Variants in SYN2 observed in about 807,000 individuals in gnomAD.
SYN2 encodes synapsin-2.
In SYN2, 19 loss-of-function variants were observed where a neutral mutation model predicts 50.9. The ratio of observed to expected loss-of-function variants is 0.37; its 90% CI spans 0.26 to 0.55. The LOEUF (loss-of-function observed/expected upper bound fraction) is 0.55. SYN2 is among the 20% of genes least tolerant of loss of function. The probability of loss-of-function intolerance (pLI) is 0.81; values close to 1 mark genes in which losing one functional copy is unlikely to be tolerated. For synonymous variants in SYN2, 255 were observed against 224.9 expected, an observed-to-expected ratio of 1.13 and a Z score of -1.20; for missense variants, 587 against 576.4, an observed-to-expected ratio of 1.02 and a Z score of -0.19.
In SYN2 at chr3:12,084,926, T is replaced by C. The variant is rs1227042137; in HGVS notation, c.378-55725T>C. Reference sequence around the variant, plus strand: ...AAAGAAAGGATTCAAAGTATACCACTGCAGGAAATCATTAAATCACAACGG... The same window carrying C: ...AAAGAAAGGATTCAAAGTATACCACCGCAGGAAATCATTAAATCACAACGG... On this transcript the variant is annotated intron_variant, in intron 1 of 12. Coordinates refer to ENST00000621198, the MANE Select transcript of SYN2 (RefSeq NM_133625.6). Among the ~76,000 whole-genome samples, 3 of 151,686 alleles carry C rather than the reference T, an allele frequency of 2.0e-5. No individual in the cohort carries two copies. In the East Asian group the frequency reaches 5.8e-4, roughly 29 times the overall value.
intron 1 of SYN2, among the ~76,000 whole-genome samples, chr3:12,033,637 C>G (rs1027171792): frequency 6.6e-6 from 1 of 152,152 alleles, no homozygotes; most frequent in African/African-American, 2.4e-5. Context: ...TTAATCACCC[C>G]AAAAACCATA....
intron 10 of SYN2, among the ~76,000 whole-genome samples, chr3:12,180,102 C>G (rs1017112563): frequency 2.0e-5 from 3 of 152,122 alleles, no homozygotes; most frequent in Non-Finnish European, 4.4e-5. Flanking sequence ...GCACATGCCA[C>G]CATGCCCACC....
rs147847524 is a variant in SYN2, at chr3:12,105,985, G to C, written c.378-34666G>C. ...GTTCCATAGGTCAGTAATCTACACA[G>C]GGATCTTCTTAGAATCTCACAAGGG... On this transcript the variant is annotated intron_variant, in intron 1 of 12. Coordinates refer to ENST00000621198, the MANE Select transcript of SYN2 (RefSeq NM_133625.6). Among the ~76,000 whole-genome samples, 3 of 152,240 alleles carry C rather than the reference G, an allele frequency of 2.0e-5. No homozygotes were observed. In the East Asian group the frequency reaches 5.8e-4, roughly 29 times the overall value.
chr3:12,151,087 A>G, intron 4 of SYN2, 150 bp from the exon 5 acceptor site: 1 of 590,614 alleles, frequency 1.7e-6, no homozygotes, highest in Non-Finnish European at 3.0e-6. Context: ...ATCCTTGGAA[A>G]TAGGAATTGT....
At chr3:12,135,706 T>G (rs966424625) in intron 1 of SYN2, among the ~76,000 whole-genome samples, 3 of 152,108 alleles carry the variant, frequency 2.0e-5, no homozygotes, top group Non-Finnish European at 4.4e-5. Flanking sequence ...GATTGACACA[T>G]GTGAGAAGAA....
intron 1 of SYN2, among the ~76,000 whole-genome samples, chr3:12,044,757 A>G (rs112514054): frequency 0.024 from 3,701 of 152,212 alleles, 76 homozygotes; most frequent in Middle Eastern, 0.041. Context: ...AAAAATACCT[A>G]TAGTACAGGT....
chr3:12,079,731 C>T (rs1161449050), intron 1 of SYN2, among the ~76,000 whole-genome samples: 1 of 152,032 alleles, frequency 6.6e-6, no homozygotes, highest in East Asian at 1.9e-4. Context: ...ATTTTTGCAT[C>T]GATGTTTATC....
At chr3:12,133,062 G>C (rs1696827016) in intron 1 of SYN2, among the ~76,000 whole-genome samples, 1 of 152,102 alleles carries the variant, frequency 6.6e-6, no homozygotes, top group South Asian at 2.1e-4. Flanking sequence ...TTAATCCCTG[G>C]AAGAGCTGAA....
At chr3:12,155,010 T>G (rs956831056) in intron 5 of SYN2, among the ~76,000 whole-genome samples, 1 of 38,708 alleles carries the variant, frequency 2.6e-5, no homozygotes, top group African/African-American at 6.4e-5. Context: ...CCTTTTTACC[T>G]ATGAAGCTCC....
At chr3:12,134,211 C>T (rs1427856871) in intron 1 of SYN2, among the ~76,000 whole-genome samples, 2 of 152,016 alleles carry the variant, frequency 1.3e-5, no homozygotes, top group African/African-American at 2.4e-5. Flanking sequence ...ATACTCAAAC[C>T]GTAGTCTCAA....
intron 1 of SYN2, among the ~76,000 whole-genome samples, chr3:12,033,769 T>C (rs775768167): frequency 6.6e-6 from 1 of 152,252 alleles, no homozygotes; most frequent in Non-Finnish European, 1.5e-5. Context: ...ATACAATATG[T>C]GGCCTTTTGT....
chr3:12,183,916 G>A (rs1698282748), intron 11 of SYN2: 1 of 997,816 alleles, frequency 1.0e-6, no homozygotes, highest in Non-Finnish European at 1.2e-6. Flanking sequence ...GATCTTCAAT[G>A]AACTGTGCTT....
At chr3:12,098,581 A>G (rs893962645) in intron 1 of SYN2, among the ~76,000 whole-genome samples, 1 of 152,020 alleles carries the variant, frequency 6.6e-6, no homozygotes, top group Admixed American at 6.6e-5. Context: ...TAAATAAATG[A>G]CAAAGGTATT....
At chr3:12,123,195 T>C (rs1209673517) in intron 1 of SYN2, among the ~76,000 whole-genome samples, 8 of 152,302 alleles carry the variant, frequency 5.3e-5, no homozygotes, top group Non-Finnish European at 1.5e-5. Context: ...ACAGAGGTAA[T>C]AGTTGAAGTT....
At position 12,190,520 on chromosome 3, in the gene SYN2, C is replaced by T. The variant is rs376537750; in HGVS notation, c.1644C>T (p.Ser548=). The T allele has an allele frequency of 1.2e-6, 2 of 1,613,848 alleles. No homozygotes were observed. Among genetic ancestry groups the T allele is most frequent in the Non-Finnish European group, 8.5e-7 (1 of 1,179,840 alleles). The part of the protein sequence containing the change: ...NKSQSLTNAF[S]FSESSFFRSS... Reference sequence around the variant, plus strand: ...CGCAGTCCCTGACAAATGCCTTCAGCTTCTCTGAGTCCTCCTTCTTCCGGT... The same window carrying T: ...CGCAGTCCCTGACAAATGCCTTCAGTTTCTCTGAGTCCTCCTTCTTCCGGT... The change falls in exon 13 of 13, where the codon AGC becomes AGT. Residue 548 remains serine (S), a synonymous_variant. Coordinates refer to ENST00000621198, the MANE Select transcript of SYN2 (RefSeq NM_133625.6).
At chr3:12,140,087 C>T (rs910799003) in intron 1 of SYN2, among the ~76,000 whole-genome samples, 1 of 152,156 alleles carries the variant, frequency 6.6e-6, no homozygotes, top group East Asian at 1.9e-4. Context: ...AGTCTTTTCC[C>T]GCTACCTTCT....
At chr3:12,182,470 A>C (rs542520405) in intron 10 of SYN2, among the ~76,000 whole-genome samples, 1 of 152,218 alleles carries the variant, frequency 6.6e-6, no homozygotes, top group African/African-American at 2.4e-5. Context: ...ACAGGTCTTT[A>C]ATCCCGTCAG....
At chr3:12,016,917 A>G (rs529229455) in intron 1 of SYN2, among the ~76,000 whole-genome samples, 10 of 152,182 alleles carry the variant, frequency 6.6e-5, no homozygotes, top group Admixed American at 2.0e-4. Context: ...TATGAAATCA[A>G]GTGATCTGTA....
chr3:12,034,935 A>T (rs796549408), intron 1 of SYN2, among the ~76,000 whole-genome samples: 37 of 152,280 alleles, frequency 2.4e-4, no homozygotes, highest in African/African-American at 8.7e-4. Flanking sequence ...CAAAGCCCAA[A>T]GTCTCATCTA....
Sources: gnomAD v4.1 joint callset for allele counts (sites outside exome capture counted in the v4.1 genomes callset) on GRCh38, gnomAD v4.1.1 for gene constraint, MANE v1.5 for transcripts, NCBI Gene and HGNC (gene_info 2026-07-23, HGNC 2026-07-21) for gene names.